TEX15: variants seen among roughly 807,000 people sequenced by gnomAD.
The protein encoded by TEX15 is testis-expressed protein 15.
Under a neutral mutation model 237.3 loss-of-function variants are expected in TEX15, and 171 were observed. The ratio of observed to expected loss-of-function variants is 0.72; its 90% confidence interval spans 0.64 to 0.82. The LOEUF is 0.82. Ranked by LOEUF, TEX15 falls within the 40% of genes least tolerant of loss-of-function variation. The pLI is 0.00. For synonymous variants in TEX15, 1,338 were observed against 1,269.8 expected (o/e 1.05, Z -1.14); for missense variants, 3,750 against 3,646.5 (o/e 1.03, Z -0.73).
chr8:30,875,246 T>C, intron 3 of TEX15, 144 bp from the exon 4 acceptor site: 1 of 465,522 alleles, frequency 2.1e-6, no homozygotes, highest in Non-Finnish European at 3.4e-6. Context: ...GTATTTAAGA[T>C]TCTACAACAG....
At chr8:30,868,657 T>C (rs544313898) in intron 4 of TEX15, among the ~76,000 whole-genome samples, 2 of 152,162 alleles carry the variant, frequency 1.3e-5, no homozygotes, top group South Asian at 4.1e-4. Context: ...AATGTCAGCC[T>C]TAACTTTTGG....
At chr8:30,853,881 TA>T (rs1227149064) in intron 7 of TEX15, among the ~76,000 whole-genome samples, 2 of 151,676 alleles carry the variant, frequency 1.3e-5, no homozygotes, top group Admixed American at 6.6e-5. Context: ...TGCAAATACA[TA>T]AAAAACATGG....
At chr8:30,885,030 G>T (rs1044431162) in intron 3 of TEX15, among the ~76,000 whole-genome samples, 19 of 151,924 alleles carry the variant, frequency 1.3e-4, no homozygotes, top group Non-Finnish European at 2.5e-4. Flanking sequence ...TTTTCATTTA[G>T]TTCAAGGTAT....
intron 3 of TEX15, among the ~76,000 whole-genome samples, chr8:30,876,939 C>G (rs1478062628): frequency 3.3e-5 from 5 of 152,066 alleles, no homozygotes; most frequent in African/African-American, 1.2e-4. Context: ...TATAAGGGGC[C>G]TTTCCCTCCT....
At chr8:30,853,492 T>C (rs1228807795) in intron 7 of TEX15, among the ~76,000 whole-genome samples, 1 of 151,988 alleles carries the variant, frequency 6.6e-6, no homozygotes, top group Non-Finnish European at 1.5e-5. Flanking sequence ...TAAAAAATAA[T>C]ACAAATAAAA....
Position 30,844,704 on chromosome 8 carries a change from TA to T in TEX15, c.5462del (p.Leu1821Ter). 6.2e-7 allele frequency: 1 copy of T among 1,613,230 alleles called. No homozygotes were observed. Among genetic ancestry groups the T allele is most frequent in the Non-Finnish European group, 8.5e-7 (1 of 1,179,572 alleles). ...ELSSSDSSLLLKDNVKGSSSE... is the reference protein window; with the variant it reads ...ELSSSDSSLLXKDNVKGSSSE... ...AAGAGGAGCCTTTTACATTATCTTTTAAAAGCAGAGAACTATCACTGGAAGA... is the reference window on the plus strand; with the variant it reads ...AAGAGGAGCCTTTTACATTATCTTTTAAAGCAGAGAACTATCACTGGAAGA... On this transcript the variant is annotated frameshift_variant, in exon 8 of 11. Transcript: ENST00000643185. LOFTEE classifies it high-confidence loss of function.
intron 2 of TEX15, among the ~76,000 whole-genome samples, chr8:30,889,964 T>TATATAC (rs1808763867): frequency 7.9e-6 from 1 of 125,986 alleles, no homozygotes; most frequent in African/African-American, 3.4e-5. Context: ...CATATATATA[T>TATATAC]ATATGTATAA....
intron 2 of TEX15, among the ~76,000 whole-genome samples, chr8:30,888,029 C>A (rs555662709): frequency 6.6e-6 from 1 of 150,690 alleles, no homozygotes; most frequent in Non-Finnish European, 1.5e-5. Flanking sequence ...AACTTACACC[C>A]ATAACAATTT....
Position 30,844,199 on chromosome 8 carries a change from A to G in TEX15, c.5968T>C (p.Ser1990Pro). 1 of 1,611,774 alleles carries G rather than the reference A, an allele frequency of 6.2e-7. No individual in the cohort carries two copies. Among genetic ancestry groups the G allele is most frequent in the Non-Finnish European group, 8.5e-7 (1 of 1,179,126 alleles). ...GCTATAAGGGCCGTATGATTAGCTG[A>G]GCAATGTTTTTCTTTAAAATCACTC... ...YVSDFKEKHC[S>P]ANHTALIANL... Residue 1990 changes from serine to proline, a missense_variant, in exon 8 of 11, where the codon TCA becomes CCA. By Grantham distance (74) the Ser-to-Pro change is moderately conservative (BLOSUM62 -1). Coordinates refer to ENST00000643185, the MANE Select transcript of TEX15 (RefSeq NM_001350162.2).
At chr8:30,863,810 A>G (rs1451596083) in intron 5 of TEX15, among the ~76,000 whole-genome samples, 1 of 152,196 alleles carries the variant, frequency 6.6e-6, no homozygotes, top group Admixed American at 6.5e-5. Context: ...GACAGCCTAC[A>G]ACAATCAAAA....
At chr8:30,861,228 TA>T (rs1444647003) in intron 5 of TEX15, among the ~76,000 whole-genome samples, 1 of 152,144 alleles carries the variant, frequency 6.6e-6, no homozygotes, top group Non-Finnish European at 1.5e-5. Flanking sequence ...ATTTAAGTAT[TA>T]AAAACACAAT....
intron 2 of TEX15, among the ~76,000 whole-genome samples, chr8:30,895,409 T>C (rs1440851482): frequency 2.0e-5 from 3 of 151,898 alleles, no homozygotes; most frequent in African/African-American, 4.8e-5. Context: ...GACTAGAAGT[T>C]TGAAACCAAG....
At chr8:30,889,366 C>G (rs1808734281) in intron 2 of TEX15, among the ~76,000 whole-genome samples, 1 of 152,124 alleles carries the variant, frequency 6.6e-6, no homozygotes, top group Non-Finnish European at 1.5e-5. Context: ...GCAGAAGAAT[C>G]ACTTGAACCC....
At chr8:30,912,318 C>G (rs1216453866) in intron 1 of TEX15, among the ~76,000 whole-genome samples, 1 of 51,744 alleles carries the variant, frequency 1.9e-5, no homozygotes, top group African/African-American at 7.1e-5. Flanking sequence ...GAGTTGCGGT[C>G]CCGGGGCGGC....
At chr8:30,850,088 A>T (rs1268827683) in intron 7 of TEX15, among the ~76,000 whole-genome samples, 1 of 152,142 alleles carries the variant, frequency 6.6e-6, no homozygotes, top group Non-Finnish European at 1.5e-5. Context: ...TGGGAGAAAA[A>T]AAAGGAAAGG....
chr8:30,841,907 C>A (rs377353090), intron 8 of TEX15, 97 bp downstream of exon 8: 30 of 799,708 alleles, frequency 3.8e-5, no homozygotes, highest in South Asian at 2.8e-4. Flanking sequence ...ATTTACCATT[C>A]TTAACTTTTA....
chr8:30,861,266 C>A (rs1379302247), intron 5 of TEX15, among the ~76,000 whole-genome samples: 2 of 151,884 alleles, frequency 1.3e-5, no homozygotes, highest in Non-Finnish European at 2.9e-5. Flanking sequence ...GAAACATAGG[C>A]CAATATTTAT....
At chr8:30,865,796 A>T (rs1808151177) in intron 5 of TEX15, among the ~76,000 whole-genome samples, 2 of 152,176 alleles carry the variant, frequency 1.3e-5, no homozygotes, top group African/African-American at 4.8e-5. Context: ...AATATACCTC[A>T]AAACAATAAA....
In TEX15 at chr8:30,845,484, G is replaced by A. The variant is rs750658266; in HGVS notation, c.4683C>T (p.Asp1561=). Residue 1561 remains aspartate, a synonymous_variant, in exon 8 of 11, where the codon GAC becomes GAT. Coordinates refer to ENST00000643185, the MANE Select transcript of TEX15 (RefSeq NM_001350162.2). The part of the protein sequence containing the change: ...SGKTAYLFSP[D]HSDEKLIEKE... The stretch of plus-strand genomic sequence containing the variant: ...TTTCTATTAGTTTCTCATCTGAGTG[G>A]TCTGGGGAAAACAGATATGCAGTTT... 6.2e-7 allele frequency: 1 copy of A among 1,613,416 alleles called. No homozygotes were observed. The highest frequency in any genetic ancestry group is 2.2e-5 in the East Asian group (1 of 44,856).
Sources: allele counts gnomAD v4.1 joint callset (sites outside exome capture counted in the v4.1 genomes callset), GRCh38; gene constraint gnomAD v4.1.1; transcripts MANE v1.5; gene names NCBI Gene and HGNC (gene_info 2026-07-23, HGNC 2026-07-21).